The following CARD8 variants were observed in gnomAD, a reference collection of about 807,000 sequenced individuals.
The protein encoded by CARD8 is caspase recruitment domain family member 8.
CARD8 carries 38 observed loss-of-function variants against 53.2 expected under a neutral mutation model. The ratio of observed to expected loss-of-function variants is 0.71; its 90% CI spans 0.55 to 0.94. CARD8 has a LOEUF of 0.94. Ranked by LOEUF, CARD8 falls within the 40% of genes least tolerant of loss-of-function variation. CARD8 has a pLI of 0.00. For missense variants in CARD8, 561 were observed against 655.5 expected, an observed-to-expected ratio of 0.86 and a Z score of 1.57; for synonymous variants, 245 against 244.9, an observed-to-expected ratio of 1.00 and a Z score of 0.00.
chr19:48,207,738 T>TTTTTTTTG (rs2037443907), downstream of CARD8, among the ~76,000 whole-genome samples: 1 of 90,654 alleles, frequency 1.1e-5, no homozygotes, highest in African/African-American at 4.2e-5. Flanking sequence ...TTTTCTGTTT[T>TTTTTTTTG]TTTTTTTTTT....
chr19:48,253,571 C>T (rs1476158766), intron 1 of CARD8, among the ~76,000 whole-genome samples: 1 of 151,922 alleles, frequency 6.6e-6, no homozygotes, highest in Non-Finnish European at 1.5e-5. Context: ...GGGGATAAAC[C>T]CAAAGAAGTT....
At chr19:48,206,931 G>A (rs1185249813), downstream of CARD8, among the ~76,000 whole-genome samples, 1 of 152,048 alleles carries the variant, frequency 6.6e-6, no homozygotes. Context: ...GGCTCCTAAA[G>A]TTCGACCTTA....
At chr19:48,255,724 A>C (rs1439209167) in intron 1 of CARD8, 68 bp downstream of exon 1, 1 of 152,202 alleles carries the variant, frequency 6.6e-6, no homozygotes, top group African/African-American at 2.4e-5. Flanking sequence ...AACACAGAGC[A>C]GCCTGGCGGT....
chr19:48,203,596 T>G (rs1345971531), downstream of CARD8: 1 of 153,460 alleles, frequency 6.5e-6, no homozygotes, highest in Non-Finnish European at 1.5e-5. Flanking sequence ...TACTGCTTTT[T>G]CCAGTGACAC....
intron 11 of CARD8, 21 bp from the exon 12 acceptor site, chr19:48,219,033 G>A (rs1334364115): frequency 1.2e-6 from 2 of 1,613,240 alleles, no homozygotes; most frequent in Non-Finnish European, 1.7e-6. Context: ...CACATCAGTT[G>A]ACTTGAAGCA....
chr19:48,242,815 T>C (rs2045432846), intron 3 of CARD8, among the ~76,000 whole-genome samples: 1 of 152,150 alleles, frequency 6.6e-6, no homozygotes, highest in Non-Finnish European at 1.5e-5. Flanking sequence ...ATTTCCGTGC[T>C]CGCTTCGGCA....
At chr19:48,214,571 A>G (rs1181591671) in intron 13 of CARD8, among the ~76,000 whole-genome samples, 4 of 152,096 alleles carry the variant, frequency 2.6e-5, no homozygotes, top group Admixed American at 2.6e-4. Flanking sequence ...CTCCCCTTCC[A>G]AGCCCCTGCG....
In CARD8 at chr19:48,238,406, A is replaced by T. The variant is rs1414509106; in HGVS notation, c.186T>A (p.Ala62=). Residue 62 remains alanine, a synonymous_variant, in exon 5 of 14, where the codon GCT becomes GCA. Coordinates refer to ENST00000651546, the MANE Select transcript of CARD8 (RefSeq NM_001184900.3). ...QYTKTGIFFQ[A]EACVTNDTVY... The stretch of plus-strand genomic sequence containing the variant: ...ACGTATCATTTGTCACACAGGCCTC[A>T]GCCTGAAAAAAAATTCCAGTTTTTG... 7 of 1,536,068 alleles carry T rather than the reference A, an allele frequency of 4.6e-6. No homozygotes were observed. Among genetic ancestry groups the T allele is most frequent in the Non-Finnish European group, 6.1e-6 (7 of 1,146,878 alleles).
At chr19:48,203,848 A>G (rs2037246055), downstream of CARD8, 1 of 237,076 alleles carries the variant, frequency 4.2e-6, no homozygotes, top group Admixed American at 5.2e-5. Context: ...TCCTACCTCC[A>G]GCCAGCTCAC....
intron 1 of CARD8, among the ~76,000 whole-genome samples, chr19:48,254,021 C>T (rs188677495): frequency 1.7e-3 from 254 of 152,308 alleles, no homozygotes; most frequent in Non-Finnish European, 3.3e-3. Flanking sequence ...TATGTAGCCA[C>T]ATAGCAAACA....
chr19:48,239,252 C>T (rs2044502855), intron 4 of CARD8, among the ~76,000 whole-genome samples: 1 of 152,174 alleles, frequency 6.6e-6, no homozygotes, highest in South Asian at 2.1e-4. Context: ...TCAGCAGTGA[C>T]AGACCTGTCA....
chr19:48,228,272 C>T (rs191369300), intron 10 of CARD8, among the ~76,000 whole-genome samples: 5 of 152,230 alleles, frequency 3.3e-5, no homozygotes, highest in Admixed American at 6.6e-5. Flanking sequence ...TAATAATAAT[C>T]GAAATAAAGT....
upstream of CARD8, chr19:48,255,936 G>A (rs566426464): frequency 3.3e-5 from 5 of 152,290 alleles, no homozygotes; most frequent in East Asian, 1.9e-4. Flanking sequence ...GAGAACTGAG[G>A]GAAGTAAGCT....
intron 13 of CARD8, 41 bp from the exon 14 acceptor site, chr19:48,212,016 C>A: frequency 6.3e-7 from 1 of 1,587,562 alleles, no homozygotes; most frequent in South Asian, 1.1e-5. Flanking sequence ...GAATCGTTCA[C>A]TTACAGGATT....
intron 12 of CARD8, among the ~76,000 whole-genome samples, chr19:48,217,634 C>T (rs1458398039): frequency 1.3e-5 from 2 of 152,170 alleles, no homozygotes; most frequent in African/African-American, 4.8e-5. Flanking sequence ...AATATCCTTC[C>T]CTTCATAGAG....
chr19:48,232,877 G>A, intron 6 of CARD8: 1 of 438,024 alleles, frequency 2.3e-6, no homozygotes, highest in South Asian at 1.7e-5. Flanking sequence ...TGAGCCAAAT[G>A]TGTCTTGACA....
intron 10 of CARD8, among the ~76,000 whole-genome samples, chr19:48,229,200 A>C (rs1460016030): frequency 2.0e-5 from 3 of 152,190 alleles, no homozygotes; most frequent in Non-Finnish European, 4.4e-5. Context: ...CAGAGGAAAG[A>C]AATAGGTGAA....
At chr19:48,233,506 C>T (rs2043296860) in intron 6 of CARD8, 1 of 413,998 alleles carries the variant, frequency 2.4e-6, no homozygotes. Context: ...CATCCTAAGA[C>T]TGGTTGCTGT....
At chr19:48,236,607 T>C (rs2043933501) in intron 5 of CARD8, among the ~76,000 whole-genome samples, 3 of 152,200 alleles carry the variant, frequency 2.0e-5, no homozygotes, top group African/African-American at 7.2e-5. Context: ...CCATGTTAAA[T>C]GGGTGCATGG....
Sources: allele counts gnomAD v4.1 joint callset (sites outside exome capture counted in the v4.1 genomes callset), GRCh38; gene constraint gnomAD v4.1.1; transcripts MANE v1.5; gene names NCBI Gene and HGNC (gene_info 2026-07-23, HGNC 2026-07-21).